The following NBEA variants were observed in gnomAD, a reference collection of about 807,000 sequenced individuals.
The protein encoded by NBEA is lysosomal-trafficking regulator 2.
In NBEA, 44 loss-of-function variants were observed where a neutral mutation model predicts 343.4. The ratio of observed to expected loss-of-function variants is 0.13; its 90% CI spans 0.10 to 0.16. The LOEUF (loss-of-function observed/expected upper bound fraction) is 0.16, where lower values mean the gene tolerates loss of function less well. NBEA is among the 10% of genes least tolerant of loss of function. The pLI, the probability that NBEA is intolerant of heterozygous loss-of-function variation, is 1.00. For synonymous variants in NBEA, 1,175 were observed against 1,238.7 expected (o/e 0.95, Z 1.08); for missense variants, 2,555 against 3,631.3 (o/e 0.70, Z 7.62).
intron 28 of NBEA, 46 bp downstream of exon 28, chr13:35,177,149 C>T: frequency 7.3e-7 from 1 of 1,369,572 alleles, no homozygotes; most frequent in Admixed American, 2.0e-5. Flanking sequence ...CTTCTACTGT[C>T]ATTCGTATGA....
intron 38 of NBEA, among the ~76,000 whole-genome samples, chr13:35,431,054 T>C (rs2045075708): frequency 2.0e-5 from 3 of 152,064 alleles, no homozygotes; most frequent in Non-Finnish European, 4.4e-5. Context: ...AAAATGCTTT[T>C]CAAAATGAAA....
At chr13:35,280,213 T>C (rs1054660007) in intron 34 of NBEA, among the ~76,000 whole-genome samples, 1 of 152,108 alleles carries the variant, frequency 6.6e-6, no homozygotes, top group South Asian at 2.1e-4. Context: ...AACTATTTAC[T>C]TAAAAAGATT....
intron 41 of NBEA, among the ~76,000 whole-genome samples, chr13:35,487,481 C>G (rs2076344706): frequency 6.6e-6 from 1 of 151,864 alleles, no homozygotes; most frequent in Non-Finnish European, 1.5e-5. Flanking sequence ...GGAAAGAACT[C>G]TGGAGGATAA....
At chr13:35,174,900 C>T (rs979057459) in intron 27 of NBEA, among the ~76,000 whole-genome samples, 1 of 151,448 alleles carries the variant, frequency 6.6e-6, no homozygotes, top group Non-Finnish European at 1.5e-5. Flanking sequence ...TCAAGCGATT[C>T]TCCTGCCTCA....
intron 6 of NBEA, among the ~76,000 whole-genome samples, chr13:35,051,771 TAG>T (rs1378678481): frequency 6.6e-6 from 1 of 152,048 alleles, no homozygotes. Context: ...TTCAGTGGAA[TAG>T]ATTAGAAGTA....
chr13:35,161,659 A>G (rs1724423274), intron 22 of NBEA, 91 bp from the exon 23 acceptor site: 1 of 1,026,490 alleles, frequency 9.7e-7, no homozygotes, highest in East Asian at 2.6e-5. Flanking sequence ...TAAAGCATTA[A>G]AGCATTATTC....
At chr13:35,360,754 G>A (rs982916608) in intron 38 of NBEA, among the ~76,000 whole-genome samples, 12 of 152,010 alleles carry the variant, frequency 7.9e-5, no homozygotes, top group African/African-American at 2.9e-4. Flanking sequence ...ACAGAGGAAA[G>A]AGTAAATGAT....
chr13:35,407,134 GT>G (rs11452480), intron 38 of NBEA, among the ~76,000 whole-genome samples: 11 of 148,334 alleles, frequency 7.4e-5, no homozygotes, highest in African/African-American at 2.0e-4. Flanking sequence ...TAATTTTTGT[GT>G]TTTTTTTTCA....
At chr13:34,978,101 C>T (rs1470317633) in intron 1 of NBEA, among the ~76,000 whole-genome samples, 4 of 152,202 alleles carry the variant, frequency 2.6e-5, no homozygotes, top group African/African-American at 9.7e-5. Context: ...GCCACTACAT[C>T]CTGCCTAAAG....
chr13:35,581,884 T>TAAAAAAA (rs67036210), intron 45 of NBEA, among the ~76,000 whole-genome samples: 1 of 110,444 alleles, frequency 9.1e-6, no homozygotes, highest in East Asian at 2.7e-4. Context: ...AAAGTATAAT[T>TAAAAAAA]AAAAAAAAAA....
chr13:35,313,194 G>A (rs936690788), intron 36 of NBEA, among the ~76,000 whole-genome samples: 3 of 152,094 alleles, frequency 2.0e-5, no homozygotes, highest in African/African-American at 7.2e-5. Context: ...CTCTCACAGA[G>A]GCTCCCCTGA....
At position 34,953,330 on chromosome 13, in the gene NBEA, CTT is replaced by C. The variant is rs145407324; in HGVS notation, c.294+10218_294+10219del. Among the ~76,000 whole-genome samples, 749 of 152,220 alleles carry C rather than the reference CTT, an allele frequency of 4.9e-3. 6 individuals are homozygous for C. Among genetic ancestry groups the C allele is most frequent in the African/African-American group, 0.017 (703 of 41,542 alleles). On this transcript the variant is annotated intron_variant, in intron 1 of 58. Coordinates refer to ENST00000379939, the MANE Select transcript of NBEA (RefSeq NM_001385012.1). ...TTGATCCCCCTTTCAAAGTCCTTGACTTTAAATGAAGTATTTAAATTTTTTTA... is the reference window on the plus strand; with the variant it reads ...TTGATCCCCCTTTCAAAGTCCTTGACTAAATGAAGTATTTAAATTTTTTTA...
intron 8 of NBEA, among the ~76,000 whole-genome samples, chr13:35,068,518 A>T (rs1328243523): frequency 6.6e-6 from 1 of 152,138 alleles, no homozygotes; most frequent in Non-Finnish European, 1.5e-5. Flanking sequence ...TTTTGAATGC[A>T]GGTATGCTGA....
chr13:35,393,955 AG>A (rs2042622024), intron 38 of NBEA, among the ~76,000 whole-genome samples: 1 of 152,124 alleles, frequency 6.6e-6, no homozygotes, highest in Non-Finnish European at 1.5e-5. Flanking sequence ...TTTTGCTGCC[AG>A]GAGCTGTATC....
rs1566012126 is a variant in NBEA, at chr13:35,349,142, C to T, written c.5938C>T (p.Arg1980Cys). 4 of 1,606,636 alleles carry T rather than the reference C, an allele frequency of 2.5e-6. No individual in the cohort carries two copies. The highest frequency in any genetic ancestry group is 3.4e-6 in the Non-Finnish European group (4 of 1,175,418). The change falls in exon 37 of 59, where the codon CGT (arginine) becomes TGT (cysteine). Residue 1980 changes from arginine (R) to cysteine (C), a missense_variant. Physicochemically the swap from Arg to Cys is radical, Grantham distance 180. Around this residue, in one of 21 missense-constraint regions of NBEA, gnomAD observed 84 missense variants for 196.4 expected, o/e 0.43. Coordinates refer to ENST00000379939, the MANE Select transcript of NBEA (RefSeq NM_001385012.1). ...LCHAMKDHIV[R>C]VANEAEFILN... ...CCATGCTATGAAGGACCATATAGTC[C>T]GTGTTGCAAATGAAGCTGAGTTTAT... is the stretch of plus-strand genomic sequence containing the variant.
intron 11 of NBEA, among the ~76,000 whole-genome samples, chr13:35,101,352 GTAT>G (rs2152644085): frequency 6.6e-6 from 1 of 151,872 alleles, no homozygotes; most frequent in South Asian, 2.1e-4. Flanking sequence ...CTCTTGTTTT[GTAT>G]GTCTTTTTGA....
intron 41 of NBEA, among the ~76,000 whole-genome samples, chr13:35,512,460 A>G (rs2077310667): frequency 1.3e-5 from 2 of 152,206 alleles, no homozygotes; most frequent in South Asian, 4.1e-4. Flanking sequence ...TAAAAATGGA[A>G]TAGCTGAGTC....
At chr13:34,967,007 G>A (rs9315325) in intron 1 of NBEA, among the ~76,000 whole-genome samples, 1 of 149,680 alleles carries the variant, frequency 6.7e-6, no homozygotes, top group Non-Finnish European at 1.5e-5. Flanking sequence ...GAAGGAAGCA[G>A]AATGTCGATT....
intron 48 of NBEA, among the ~76,000 whole-genome samples, chr13:35,608,547 G>T (rs6563042): frequency 0.22 from 33,938 of 152,052 alleles, 3,983 homozygotes; most frequent in Non-Finnish European, 0.24. Flanking sequence ...TAGCTCCAGA[G>T]CTCAGAGCCC....
Sources: gnomAD v4.1 joint callset for allele counts (sites outside exome capture counted in the v4.1 genomes callset) on GRCh38, gnomAD v4.1.1 for gene constraint, gnomAD v4.1.1 regional missense constraint, MANE v1.5 for transcripts, NCBI Gene and HGNC (gene_info 2026-07-23, HGNC 2026-07-21) for gene names.